SYT12: variants seen among roughly 807,000 people sequenced by gnomAD.
SYT12 encodes synaptotagmin-12.
In SYT12, 27 loss-of-function variants were observed where a neutral mutation model predicts 39.5. The ratio of observed to expected loss-of-function variants is 0.68; its 90% CI spans 0.50 to 0.94. SYT12 has a LOEUF of 0.94. Among genes scored for constraint, SYT12 ranks in the 40% least tolerant of loss-of-function variants. SYT12 has a pLI of 0.00. For missense variants in SYT12, 536 were observed against 572.6 expected (o/e 0.94, Z 0.65); for synonymous variants, 233 against 239.7 (o/e 0.97, Z 0.26).
intron 1 of SYT12, chr11:67,026,484 G>C (rs1473489409): frequency 6.6e-6 from 1 of 152,062 alleles, no homozygotes; most frequent in African/African-American, 2.4e-5. Flanking sequence ...TGTGGGTCAG[G>C]CTGGTCTCAA....
intron 3 of SYT12, among the ~76,000 whole-genome samples, chr11:67,014,607 G>A (rs923529790): frequency 1.3e-5 from 2 of 152,218 alleles, no homozygotes; most frequent in African/African-American, 4.8e-5. Flanking sequence ...CCTTGTGGGT[G>A]AGACCCAGAC....
At position 67,040,202 on chromosome 11, in the gene SYT12, G is replaced by A. The variant is rs186492784; in HGVS notation, c.620G>A (p.Arg207Gln). 2.9e-5 allele frequency: 46 copies of A among 1,568,796 alleles called. No homozygotes were observed. The highest frequency in any genetic ancestry group is 6.7e-5 in the African/African-American group (5 of 74,566). ...LPDEQIVGIS[R>Q]IQRNAYSIFF... Reference sequence around the variant, plus strand: ...GACGAGCAGATCGTGGGCATTTCTCGGGTAAGTGGGGCTCAGGGCGGGGCA... The same window carrying A: ...GACGAGCAGATCGTGGGCATTTCTCAGGTAAGTGGGGCTCAGGGCGGGGCA... The change falls in exon 4 of 8, where the codon CGG becomes CAG. Residue 207 changes from arginine (R) to glutamine (Q), a missense_variant and splice_region_variant. Transcript: ENST00000527043.
intron 1 of SYT12, among the ~76,000 whole-genome samples, chr11:67,026,280 CT>C (rs545890114): frequency 2.0e-5 from 3 of 150,942 alleles, no homozygotes; most frequent in African/African-American, 2.4e-5. Context: ...TCTTTTCTTT[CT>C]TTTTTTTTGA....
chr11:67,029,573 G>C (rs1331524851), intron 1 of SYT12: 2 of 152,318 alleles, frequency 1.3e-5, no homozygotes, highest in Non-Finnish European at 2.9e-5. Context: ...TTGAAATTTG[G>C]CCAGGCGCTG....
intron 4 of SYT12, among the ~76,000 whole-genome samples, chr11:67,041,583 G>A (rs1051963352): frequency 2.0e-5 from 3 of 152,334 alleles, no homozygotes; most frequent in South Asian, 2.1e-4. Flanking sequence ...CTGGAAGGGC[G>A]TAACAGGAGG....
upstream of SYT12, among the ~76,000 whole-genome samples, chr11:67,019,472 C>CAA (rs761020239): frequency 1.6e-5 from 2 of 122,856 alleles, no homozygotes; most frequent in Non-Finnish European, 3.5e-5. Context: ...AACTCCACCT[C>CAA]AAAAAAAAAA....
chr11:67,016,654 A>G (rs1950061756), intron 3 of SYT12, among the ~76,000 whole-genome samples: 1 of 152,206 alleles, frequency 6.6e-6, no homozygotes, highest in African/African-American at 2.4e-5. Flanking sequence ...CTGTGAGCCT[A>G]GAAGAAGTTG....
At chr11:67,036,719 T>C (rs1020630705) in intron 3 of SYT12, among the ~76,000 whole-genome samples, 3 of 152,104 alleles carry the variant, frequency 2.0e-5, no homozygotes, top group African/African-American at 7.2e-5. Flanking sequence ...GCAGATCTCT[T>C]GAGGTCAGGA....
intron 3 of SYT12, among the ~76,000 whole-genome samples, chr11:67,013,752 C>T (rs954606851): frequency 6.6e-6 from 1 of 152,250 alleles, no homozygotes; most frequent in Admixed American, 6.5e-5. Flanking sequence ...TTAGCACAGG[C>T]TGGGGCTAAT....
At chr11:67,008,792 T>C (rs1404460670) in intron 1 of SYT12, among the ~76,000 whole-genome samples, 1 of 152,202 alleles carries the variant, frequency 6.6e-6, no homozygotes, top group East Asian at 1.9e-4. Flanking sequence ...TCTGCCTGCC[T>C]CAGCCTCTCA....
Position 67,034,848 on chromosome 11 carries a change from C to T in SYT12, c.228+10C>T. On this transcript the variant is annotated intron_variant, in intron 3 of 7. Transcript: ENST00000527043. ...AGAGGCCAGGGAGAAGGTGAGGCTT[C>T]TGCTCCTGCAGGTGCACAGCGAGTG... The T allele has an allele frequency of 6.6e-7, 1 of 1,524,044 alleles. No individual in the cohort carries two copies. Among genetic ancestry groups the T allele is most frequent in the African/African-American group, 1.4e-5 (1 of 70,420 alleles). The allele number at this position is 1,524,044 out of a possible 1,614,324, so 94.4% of individuals were successfully genotyped here. A position where few individuals can be genotyped will look rare whatever the true frequency, so the allele number is the denominator to read the frequency against.
upstream of SYT12, among the ~76,000 whole-genome samples, chr11:67,020,596 C>T (rs895600756): frequency 6.6e-6 from 1 of 152,182 alleles, no homozygotes; most frequent in Non-Finnish European, 1.5e-5. Flanking sequence ...CCGTAGGCCC[C>T]TCTAGTCACC....
intron 1 of SYT12, chr11:67,028,854 G>C (rs140948367): frequency 6.6e-6 from 1 of 152,136 alleles, no homozygotes; most frequent in Non-Finnish European, 1.5e-5. Flanking sequence ...TCCTGCTGGG[G>C]CAAAAATGCA....
intron 3 of SYT12, among the ~76,000 whole-genome samples, chr11:67,011,716 A>T (rs921525242): frequency 2.0e-5 from 3 of 152,002 alleles, no homozygotes; most frequent in African/African-American, 7.3e-5. Flanking sequence ...TGCCTGGCTG[A>T]TGCCTGATCA....
Position 67,034,633 on chromosome 11 carries a change from C to A in SYT12, c.35-12C>A. On this transcript the variant is annotated splice_polypyrimidine_tract_variant and intron_variant, in intron 2 of 7. Transcript: ENST00000527043. ...TAGGAAGCCCTAATGAGAGGCTGCC[C>A]TTGCCTTGCAGTCATCAAGAGCCCC... 4.4e-6 allele frequency: 7 copies of A among 1,576,410 alleles called. No homozygotes were observed. Among genetic ancestry groups the A allele is most frequent in the Non-Finnish European group, 6.0e-6 (7 of 1,167,032 alleles).
upstream of SYT12, among the ~76,000 whole-genome samples, chr11:67,020,790 G>A (rs775409142): frequency 2.6e-5 from 4 of 152,196 alleles, no homozygotes; most frequent in African/African-American, 4.8e-5. Context: ...GTGCAGTGGC[G>A]TGATCTCAGC....
chr11:67,028,764 C>T (rs957503929), intron 1 of SYT12: 3 of 152,196 alleles, frequency 2.0e-5, no homozygotes, highest in Non-Finnish European at 4.4e-5. Flanking sequence ...ACCTTTAAAA[C>T]TCAGGAAATG....
chr11:67,047,268 A>AT (rs1168005453), intron 7 of SYT12, among the ~76,000 whole-genome samples: 3,541 of 130,032 alleles, frequency 0.027, 82 homozygotes, highest in African/African-American at 0.054. Context: ...CCCACCCCCA[A>AT]TTTTTTTTTT....
chr11:67,015,258 C>T (rs1950048245), intron 3 of SYT12, among the ~76,000 whole-genome samples: 1 of 152,180 alleles, frequency 6.6e-6, no homozygotes, highest in Admixed American at 6.6e-5. Context: ...GGCAGGGGGT[C>T]GCAACAGGAG....
Sources: gnomAD v4.1 joint callset for allele counts (sites outside exome capture counted in the v4.1 genomes callset) on GRCh38, gnomAD v4.1.1 for gene constraint, MANE v1.5 for transcripts, NCBI Gene and HGNC (gene_info 2026-07-23, HGNC 2026-07-21) for gene names.